MACROD1: variants seen among roughly 807,000 people sequenced by gnomAD.
MACROD1 encodes mono-ADP ribosylhydrolase 1.
In MACROD1, 31 loss-of-function variants were observed where a neutral mutation model predicts 41.4. That is an observed-to-expected ratio of 0.75 (90% CI 0.56 to 1.01). The LOEUF is 1.01. MACROD1 is among the 50% of genes least tolerant of loss of function. MACROD1 has a pLI of 0.00. For missense variants in MACROD1, 473 were observed against 460.0 expected, an observed-to-expected ratio of 1.03 and a Z score of -0.26; for synonymous variants, 252 against 203.4, an observed-to-expected ratio of 1.24 and a Z score of -2.03.
chr11:64,116,147 G>A, intron 3 of MACROD1: 5 of 1,431,340 alleles, frequency 3.5e-6, no homozygotes, highest in Non-Finnish European at 4.6e-6. Context: ...AGGTGGGAGG[G>A]AATGCACGAT....
chr11:64,153,628 T>C (rs1449292913), intron 1 of MACROD1, among the ~76,000 whole-genome samples: 2 of 152,074 alleles, frequency 1.3e-5, no homozygotes, highest in Non-Finnish European at 2.9e-5. Flanking sequence ...CTGAGAGCAT[T>C]AGATGACAGA....
At chr11:64,014,508 C>T (rs534541195) in intron 4 of MACROD1, among the ~76,000 whole-genome samples, 8 of 152,360 alleles carry the variant, frequency 5.3e-5, no homozygotes, top group African/African-American at 1.4e-4. Context: ...GGGATTTATC[C>T]GACGGCACAT....
intron 3 of MACROD1, among the ~76,000 whole-genome samples, chr11:64,087,623 G>A (rs541930373): frequency 7.9e-5 from 12 of 152,300 alleles, no homozygotes; most frequent in African/African-American, 2.4e-4. Flanking sequence ...CCTTGCCCGC[G>A]GCCCCAGCCA....
rs776192487 is a variant in MACROD1, at chr11:64,039,693, A to G, written c.518-24412T>C. Among the ~76,000 whole-genome samples the G allele has an allele frequency of 5.4e-4, 82 of 152,274 alleles. 2 individuals are homozygous for G. The highest frequency in any genetic ancestry group is 6.8e-3 in the Middle Eastern group (2 of 294). On this transcript the variant is annotated intron_variant, in intron 3 of 10. Transcript: ENST00000255681. ...TCCATGGAGCAGGCTGTGTTTGTGC[A>G]GGCCTGTGTTTGCCTGTTTACCATC...
chr11:64,139,399 G>C (rs2134675905), intron 3 of MACROD1, among the ~76,000 whole-genome samples: 1 of 152,328 alleles, frequency 6.6e-6, no homozygotes. Context: ...TTAGCCATGA[G>C]CCATCATGAG....
At chr11:64,118,168 T>C (rs1254826192) in intron 3 of MACROD1, 2 of 1,613,542 alleles carry the variant, frequency 1.2e-6, no homozygotes, top group Admixed American at 3.3e-5. Context: ...GAAGAGTACG[T>C]GGTCCACACT....
chr11:64,109,691 C>T (rs11231698), intron 3 of MACROD1, among the ~76,000 whole-genome samples: 13,468 of 152,116 alleles, frequency 0.089, 927 homozygotes, highest in East Asian at 0.38. Context: ...GAGGCTGGTG[C>T]GGCCCCACAG....
At position 64,016,587 on chromosome 11, in the gene MACROD1, C is replaced by T. The variant is rs180783070; in HGVS notation, c.518-1306G>A. Among the ~76,000 whole-genome samples, 30 of 152,352 alleles carry T rather than the reference C, an allele frequency of 2.0e-4. No homozygotes were observed. The East Asian group carries it at 3.1e-3, about 16-fold the overall frequency. ...CGGCATGGACGCTGCTAAGTGGTGT[C>T]GGGCGGCTCCGAGTGGCTGGTCTCC... On this transcript the variant is annotated intron_variant, in intron 3 of 10. Transcript: ENST00000255681.
At chr11:64,073,434 A>G (rs757737350) in intron 3 of MACROD1, among the ~76,000 whole-genome samples, 3 of 152,164 alleles carry the variant, frequency 2.0e-5, no homozygotes, top group Non-Finnish European at 4.4e-5. Context: ...TTCTACTCTT[A>G]ACTCCCTTGA....
intron 3 of MACROD1, among the ~76,000 whole-genome samples, chr11:64,080,204 G>C (rs923867550): frequency 6.6e-6 from 1 of 152,028 alleles, no homozygotes; most frequent in African/African-American, 2.4e-5. Context: ...GTAGAGACGG[G>C]GTATCAACAT....
chr11:64,076,281 G>A (rs73498157), intron 3 of MACROD1, among the ~76,000 whole-genome samples: 154 of 152,248 alleles, frequency 1.0e-3, no homozygotes, highest in African/African-American at 3.4e-3. Context: ...ACCCTCCACT[G>A]CATGGGTCAA....
intron 3 of MACROD1, among the ~76,000 whole-genome samples, chr11:64,063,920 C>T (rs1196081334): frequency 6.6e-6 from 1 of 152,228 alleles, no homozygotes. Flanking sequence ...CCCCAGTGAG[C>T]TGCGGAGAGG....
At chr11:64,105,702 A>G (rs996330341) in intron 3 of MACROD1, among the ~76,000 whole-genome samples, 1 of 152,112 alleles carries the variant, frequency 6.6e-6, no homozygotes, top group Non-Finnish European at 1.5e-5. Flanking sequence ...AGCGGCTCCC[A>G]TGAGGCCCTG....
intron 3 of MACROD1, among the ~76,000 whole-genome samples, chr11:64,071,815 A>G (rs1481939950): frequency 6.6e-6 from 1 of 151,960 alleles, no homozygotes; most frequent in African/African-American, 2.4e-5. Flanking sequence ...GTAGGGATGG[A>G]TCTTTAAGGG....
chr11:64,029,914 G>A (rs1306952840), intron 3 of MACROD1, among the ~76,000 whole-genome samples: 1 of 152,194 alleles, frequency 6.6e-6, no homozygotes, highest in African/African-American at 2.4e-5. Context: ...TGGAAGGGAT[G>A]GGGGCAGGGG....
chr11:64,025,827 C>T (rs1400202570), intron 3 of MACROD1, among the ~76,000 whole-genome samples: 1 of 151,780 alleles, frequency 6.6e-6, no homozygotes, highest in Non-Finnish European at 1.5e-5. Context: ...TCAAGAGATC[C>T]TTCTGCCTCA....
chr11:64,138,345 C>A (rs1945360152), intron 3 of MACROD1, among the ~76,000 whole-genome samples: 1 of 152,258 alleles, frequency 6.6e-6, no homozygotes. Flanking sequence ...CTGTGACCCT[C>A]ACGGGGAAAG....
chr11:64,056,486 G>C (rs923540148), intron 3 of MACROD1, among the ~76,000 whole-genome samples: 7 of 152,224 alleles, frequency 4.6e-5, no homozygotes, highest in East Asian at 1.9e-4. Flanking sequence ...GGCTGTACTA[G>C]AGAGAAGACA....
chr11:64,015,525 C>T (rs1390993398), intron 3 of MACROD1, among the ~76,000 whole-genome samples: 2 of 152,118 alleles, frequency 1.3e-5, no homozygotes, highest in Non-Finnish European at 2.9e-5. Context: ...CAGGGCCTGC[C>T]TGCTCACCCG....
Sources: gnomAD v4.1 joint callset for allele counts (sites outside exome capture counted in the v4.1 genomes callset) on GRCh38, gnomAD v4.1.1 for gene constraint, MANE v1.5 for transcripts, NCBI Gene and HGNC (gene_info 2026-07-23, HGNC 2026-07-21) for gene names.